CCDC80: variants seen among roughly 807,000 people sequenced by gnomAD.
CCDC80 encodes coiled-coil domain-containing protein 80.
In CCDC80, 49 loss-of-function variants were observed where a neutral mutation model predicts 78.7. The ratio of observed to expected loss-of-function variants is 0.62; its 90% CI spans 0.50 to 0.79. CCDC80 has a LOEUF of 0.79. Among genes scored for constraint, CCDC80 ranks in the 30% least tolerant of loss-of-function variants. The pLI, the probability that CCDC80 is intolerant of heterozygous loss-of-function variation, is 0.00. For synonymous variants in CCDC80, 488 were observed against 447.0 expected (o/e 1.09, Z -1.16); for missense variants, 1,205 against 1,198.6 (o/e 1.01, Z -0.08).
In CCDC80 at chr3:112,616,672, T is replaced by G. The variant is rs771861214; in HGVS notation, c.2321+38A>C. 8 of 1,611,998 alleles carry G rather than the reference T, an allele frequency of 5.0e-6. No homozygotes were observed. In the African/African-American group the frequency reaches 1.1e-4, roughly 22 times the overall value. The stretch of plus-strand genomic sequence containing the variant: ...TTTCATGAGCTCACTCAGAACAAAT[T>G]TGCACCTTCCTCTTTAGCGACTCCA... On this transcript the variant is annotated intron_variant, in intron 5 of 7. Coordinates refer to ENST00000206423, the MANE Select transcript of CCDC80 (RefSeq NM_199511.3).
In CCDC80 at chr3:112,600,987, A is replaced by C. The variant is rs919686824; in HGVS notation, c.*4430T>G. On this transcript the variant is annotated 3_prime_UTR_variant, in exon 8 of 8. Transcript: ENST00000206423. Reference sequence around the variant, plus strand: ...CGTGGCTCACTTTCCTGCACACCTCAGGCAGCTTGTACAGACTATCCAAGA... The same window carrying C: ...CGTGGCTCACTTTCCTGCACACCTCCGGCAGCTTGTACAGACTATCCAAGA... The C allele has an allele frequency of 1.3e-5, 2 of 152,230 alleles. No homozygotes were observed. Among genetic ancestry groups the C allele is most frequent in the African/African-American group, 4.8e-5 (2 of 41,466 alleles). 9.4% of individuals were successfully genotyped at this position (152,230 alleles called of 1,614,324 possible). A position where few individuals can be genotyped will look rare whatever the true frequency, so the allele number is the denominator to read the frequency against.
chr3:112,639,014 C>G lies in CCDC80; in HGVS notation c.892G>C (p.Gly298Arg), dbSNP rs1201113715. 1 of 1,611,232 alleles carries G rather than the reference C, an allele frequency of 6.2e-7. No individual in the cohort carries two copies. The highest frequency in any genetic ancestry group is 1.3e-5 in the African/African-American group (1 of 75,000). ...GQVVAEGNDG[G>R]GGAGRPSLGS... The stretch of plus-strand genomic sequence containing the variant: ...AGGCTTGGCCTTCCTGCTCCCCCTC[C>G]ACCGTCATTCCCCTCCGCCACCACC... The change falls in exon 2 of 8, where the codon GGA (glycine) becomes CGA (arginine). Residue 298 changes from glycine (G) to arginine (R), a missense_variant. By Grantham distance (125) the Gly-to-Arg change is moderately radical. Transcript: ENST00000206423.
Position 112,638,041 on chromosome 3 carries a change from T to C in CCDC80, c.1865A>G (p.Lys622Arg). 6.2e-7 allele frequency: 1 copy of C among 1,601,716 alleles called. No homozygotes were observed. Among genetic ancestry groups the C allele is most frequent in the Non-Finnish European group, 8.5e-7 (1 of 1,176,550 alleles). The change falls in exon 2 of 8, where the codon AAA becomes AGA. Residue 622 changes from lysine (K) to arginine (R), a missense_variant. Lys to Arg is a conservative substitution (Grantham distance 26, BLOSUM62 2). Transcript: ENST00000206423. ...VADLLGSFEG[K>R]RRLLLITAPK... ...AAGGCTACTTACAAGGAGTCTTCGT[T>C]TGCCTTCAAAGGACCCCAGCAGGTC...
intron 2 of CCDC80, among the ~76,000 whole-genome samples, chr3:112,630,733 C>T (rs147191563): frequency 6.6e-5 from 10 of 152,268 alleles, no homozygotes; most frequent in African/African-American, 2.4e-4. Context: ...AGTTTCATAG[C>T]CAGGCCCTGG....
Position 112,603,675 on chromosome 3 carries a change from G to C in CCDC80, c.*1742C>G, listed in dbSNP as rs1385786341. ...AAGAACTTGGATAGAGATATACAAG[G>C]AGATTAATATTTTCGTGCCTGCTAA... On this transcript the variant is annotated 3_prime_UTR_variant, in exon 8 of 8. Coordinates refer to ENST00000206423, the MANE Select transcript of CCDC80 (RefSeq NM_199511.3). 1 of 151,178 alleles carries C rather than the reference G, an allele frequency of 6.6e-6. No individual in the cohort carries two copies. Among genetic ancestry groups the C allele is most frequent in the African/African-American group, 2.4e-5 (1 of 41,080 alleles). 9.4% of individuals were successfully genotyped at this position (151,178 alleles called of 1,614,324 possible). A position where few individuals can be genotyped will look rare whatever the true frequency, so the allele number is the denominator to read the frequency against.
At position 112,639,352 on chromosome 3, in the gene CCDC80, T is replaced by C; in HGVS notation, c.554A>G (p.Gln185Arg). 6.2e-7 allele frequency: 1 copy of C among 1,614,098 alleles called. No homozygotes were observed. The highest frequency in any genetic ancestry group is 8.5e-7 in the Non-Finnish European group (1 of 1,179,996). The change falls in exon 2 of 8, where the codon CAA becomes CGA. Residue 185 changes from glutamine (Q) to arginine (R), a missense_variant. Gln to Arg is a conservative substitution (Grantham distance 43, BLOSUM62 1). Transcript: ENST00000206423. ...TGCCTGGTGGAAGAGCACAATCTGT[T>C]GGATGTGCCTCTCCGCCAGCTCACA... ...VYCELAERHI[Q>R]QIVLFHQAGE... is the part of the protein sequence containing the mutation.
At position 112,610,038 on chromosome 3, in the gene CCDC80, C is replaced by G. The variant is rs1187874088; in HGVS notation, c.2365G>C (p.Asp789His). The change falls in exon 6 of 8, where the codon GAT becomes CAT. Residue 789 changes from aspartate to histidine, a missense_variant. Transcript: ENST00000206423. Reference sequence around the variant, plus strand: ...TGCTGTGAATAGGCCCAGTCTTCATCGTTAGGAGCAGAGATCACCAGCAAC... The same window carrying G: ...TGCTGTGAATAGGCCCAGTCTTCATGGTTAGGAGCAGAGATCACCAGCAAC... ...RRLLVISAPN[D>H]EDWAYSQQLS... The G allele has an allele frequency of 6.2e-7, 1 of 1,613,826 alleles. No homozygotes were observed. The highest frequency in any genetic ancestry group is 8.5e-7 in the Non-Finnish European group (1 of 1,179,978).
At chr3:112,610,937 CAG>C (rs1389090516) in intron 5 of CCDC80, among the ~76,000 whole-genome samples, 1 of 112,270 alleles carries the variant, frequency 8.9e-6, no homozygotes, top group African/African-American at 3.8e-5. Context: ...TTTTTTGAGA[CAG>C]AGTCTCACTC....
rs1258006394 is a variant in CCDC80 at position 112,600,419 on chromosome 3, G to C, written c.*4998C>G. ...GAACTATCTTTTTTTGGTTGCAGGA[G>C]CTAGAACCCTATTATTCTGAGAGTA... On this transcript the variant is annotated 3_prime_UTR_variant, in exon 8 of 8. Transcript: ENST00000206423. The C allele has an allele frequency of 1.3e-5, 2 of 152,152 alleles. No individual in the cohort carries two copies. Among genetic ancestry groups the C allele is most frequent in the African/African-American group, 4.8e-5 (2 of 41,426 alleles). 9.4% of individuals were successfully genotyped at this position (152,152 alleles called of 1,614,324 possible). A position where few individuals can be genotyped will look rare whatever the true frequency, so the allele number is the denominator to read the frequency against.
rs1358445378 is a variant in CCDC80 at position 112,604,585 on chromosome 3, T to G, written c.*832A>C. On this transcript the variant is annotated 3_prime_UTR_variant, in exon 8 of 8. Transcript: ENST00000206423. ...TTTTGTGTGACTCACTTTATTGCGA[T>G]ATCCACTTTATTATGGTGGTCTGGA... is the stretch of plus-strand genomic sequence containing the variant. The G allele has an allele frequency of 6.6e-6, 1 of 152,326 alleles. No homozygotes were observed. The allele number at this position is 152,326 out of a possible 1,614,324, so 9.4% of individuals were successfully genotyped here.
rs780739155 is a variant in CCDC80 at position 112,638,970 on chromosome 3, TTTC to T, written c.933_935del (p.Lys312del). On this transcript the variant is annotated inframe_deletion, in exon 2 of 8. Coordinates refer to ENST00000206423, the MANE Select transcript of CCDC80 (RefSeq NM_199511.3). The stretch of plus-strand genomic sequence containing the variant: ...GGACTTGTGCTCTCCTTGGGTCCTC[TTTC>T]TTCTTCTCGCTGCCCAGGCTTGGCC... 7.4e-6 allele frequency: 12 copies of T among 1,612,582 alleles called. No individual in the cohort carries two copies. In the East Asian group the frequency reaches 2.2e-4, roughly 30 times the overall value.
intron 2 of CCDC80, among the ~76,000 whole-genome samples, chr3:112,631,869 G>T (rs1370416472): frequency 6.6e-6 from 1 of 152,062 alleles, no homozygotes; most frequent in Non-Finnish European, 1.5e-5. Context: ...AGGTTTTCTG[G>T]GATGAAGTTT....
intron 5 of CCDC80, among the ~76,000 whole-genome samples, chr3:112,610,634 C>T (rs1419166611): frequency 6.6e-6 from 1 of 152,104 alleles, no homozygotes; most frequent in African/African-American, 2.4e-5. Flanking sequence ...CCCTATGTAC[C>T]TTCCTCAGTA....
rs1483936070 is a variant in CCDC80, at chr3:112,604,131, A to G, written c.*1286T>C. Reference sequence around the variant, plus strand: ...ATGGAATCTACTCGCGTAAGTTGCTATGTACATTATTGAAATGACAACAAA... The same window carrying G: ...ATGGAATCTACTCGCGTAAGTTGCTGTGTACATTATTGAAATGACAACAAA... On this transcript the variant is annotated 3_prime_UTR_variant, in exon 8 of 8. Transcript: ENST00000206423. 1.3e-5 allele frequency: 2 copies of G among 152,260 alleles called. No homozygotes were observed. Among genetic ancestry groups the G allele is most frequent in the East Asian group, 1.9e-4 (1 of 5,200 alleles). The allele number at this position is 152,260 out of a possible 1,614,324, so 9.4% of individuals were successfully genotyped here.
At chr3:112,608,248 T>C (rs1465518517) in intron 6 of CCDC80, among the ~76,000 whole-genome samples, 1 of 152,218 alleles carries the variant, frequency 6.6e-6, no homozygotes, top group African/African-American at 2.4e-5. Context: ...GAACTAATAA[T>C]AAGGTTGTTG....
At position 112,600,826 on chromosome 3, in the gene CCDC80, C is replaced by T. The variant is rs1348861309; in HGVS notation, c.*4591G>A. 5 of 152,244 alleles carry T rather than the reference C, an allele frequency of 3.3e-5. No individual in the cohort carries two copies. The highest frequency in any genetic ancestry group is 1.2e-4 in the African/African-American group (5 of 41,546). 9.4% of individuals were successfully genotyped at this position (152,244 alleles called of 1,614,324 possible). A position where few individuals can be genotyped will look rare whatever the true frequency, so the allele number is the denominator to read the frequency against. On this transcript the variant is annotated 3_prime_UTR_variant, in exon 8 of 8. Transcript: ENST00000206423. ...CCTGGCTCCCTCATTATTATATTTC[C>T]TGAAGTTGACATGATTTGGGTCCTT...
At position 112,639,675 on chromosome 3, in the gene CCDC80, C is replaced by T; in HGVS notation, c.231G>A (p.Arg77=). The change falls in exon 2 of 8, where the codon AGG becomes AGA. Residue 77 remains arginine (R), a synonymous_variant. Transcript: ENST00000206423. ...CTAGTCTCAACACGGGCACACTCCT[C>T]CTTCTCTGGAGAGGCTGAAGGTTTG... ...EEPNLQPLQR[R]RSVPVLRLAR... is the part of the protein sequence containing the mutation. 1 of 1,614,186 alleles carries T rather than the reference C, an allele frequency of 6.2e-7. No homozygotes were observed. Among genetic ancestry groups the T allele is most frequent in the Non-Finnish European group, 8.5e-7 (1 of 1,180,030 alleles).
At chr3:112,614,365 T>C (rs1403694325) in intron 5 of CCDC80, among the ~76,000 whole-genome samples, 1 of 151,988 alleles carries the variant, frequency 6.6e-6, no homozygotes, top group African/African-American at 2.4e-5. Context: ...ACTGTTAAAA[T>C]AAAAAATAAA....
In CCDC80 at chr3:112,601,931, G is replaced by C. The variant is rs142671512; in HGVS notation, c.*3486C>G. Reference sequence around the variant, plus strand: ...TTTATAAGATGCCAGTATGGTAATAGGTCCATTAGCAAGTAAGTACAGGCA... The same window carrying C: ...TTTATAAGATGCCAGTATGGTAATACGTCCATTAGCAAGTAAGTACAGGCA... On this transcript the variant is annotated 3_prime_UTR_variant, in exon 8 of 8. Transcript: ENST00000206423. 22 of 151,964 alleles carry C rather than the reference G, an allele frequency of 1.4e-4. No individual in the cohort carries two copies. Among genetic ancestry groups the C allele is most frequent in the African/African-American group, 4.6e-4 (19 of 41,324 alleles). 9.4% of individuals were successfully genotyped at this position (151,964 alleles called of 1,614,324 possible). A position where few individuals can be genotyped will look rare whatever the true frequency, so the allele number is the denominator to read the frequency against.
Sources: gnomAD v4.1 joint callset for allele counts (sites outside exome capture counted in the v4.1 genomes callset) on GRCh38, gnomAD v4.1.1 for gene constraint, MANE v1.5 for transcripts, NCBI Gene and HGNC (gene_info 2026-07-23, HGNC 2026-07-21) for gene names.